CRTC2: variants seen among roughly 807,000 people sequenced by gnomAD.
CRTC2 encodes CREB-regulated transcription coactivator 2.
CRTC2 carries 25 observed loss-of-function variants against 70.9 expected under a neutral mutation model. The ratio of observed to expected loss-of-function variants is 0.35; its 90% CI spans 0.26 to 0.49. The LOEUF (loss-of-function observed/expected upper bound fraction) is 0.49, where lower values mean the gene tolerates loss of function less well. Ranked by LOEUF, CRTC2 falls within the 20% of genes least tolerant of loss-of-function variation. The probability of loss-of-function intolerance (pLI) is 0.98; values close to 1 mark genes in which losing one functional copy is unlikely to be tolerated. For synonymous variants in CRTC2, 330 were observed against 364.1 expected (o/e 0.91, Z 1.07); for missense variants, 737 against 882.6 (o/e 0.83, Z 2.09).
Position 153,948,446 on chromosome 1 carries a change from AC to A in CRTC2, c.1861+11del. On this transcript the variant is annotated intron_variant, in intron 13 of 13. Transcript: ENST00000368633. ...CTCCTTCCATTTCCCATCACCACCCACCCCCATTCACCTGTGAGGATGATGT... is the reference window on the plus strand; with the variant it reads ...CTCCTTCCATTTCCCATCACCACCCACCCCATTCACCTGTGAGGATGATGT... The A allele has an allele frequency of 1.2e-6, 2 of 1,602,364 alleles. No individual in the cohort carries two copies. The highest frequency in any genetic ancestry group is 1.1e-5 in the South Asian group (1 of 89,818).
At chr1:153,958,172 C>CA in intron 1 of CRTC2, 173 bp downstream of exon 1, 2 of 1,422,772 alleles carry the variant, frequency 1.4e-6, no homozygotes, top group Admixed American at 2.9e-5. Flanking sequence ...TCTCCCCCGG[C>CA]AAAATCCTTC....
chr1:153,958,273 C>T (rs1571087305), intron 1 of CRTC2, 72 bp downstream of exon 1: 2 of 1,544,094 alleles, frequency 1.3e-6, no homozygotes, highest in Non-Finnish European at 1.7e-6. Flanking sequence ...GGCGCCCGCC[C>T]CCGCCCCGCC....
In CRTC2 at chr1:153,954,211, C is replaced by T. The variant is rs192393101; in HGVS notation, c.434+44G>A. 13 of 1,490,208 alleles carry T rather than the reference C, an allele frequency of 8.7e-6. No homozygotes were observed. In the African/African-American group the frequency reaches 1.2e-4, roughly 14 times the overall value. 92.3% of individuals were successfully genotyped at this position (1,490,208 alleles called of 1,614,324 possible). ...GAAGGGGCAACTCCTTCCAGAAACACGTCAGAGAGTAGGCAGGAGCTTCTG... is the reference window on the plus strand; with the variant it reads ...GAAGGGGCAACTCCTTCCAGAAACATGTCAGAGAGTAGGCAGGAGCTTCTG... On this transcript the variant is annotated intron_variant, in intron 4 of 13. Transcript: ENST00000368633.
Position 153,952,841 on chromosome 1 carries a change from G to C in CRTC2, c.608-7C>G. 3 of 1,614,216 alleles carry C rather than the reference G, an allele frequency of 1.9e-6. No homozygotes were observed. Among genetic ancestry groups the C allele is most frequent in the Non-Finnish European group, 2.5e-6 (3 of 1,180,020 alleles). The stretch of plus-strand genomic sequence containing the variant: ...ATTTCACCATCCAGAATACCTGCAA[G>C]GGATACAGTGGCATTGGCTGCAGTG... On this transcript the variant is annotated splice_polypyrimidine_tract_variant and splice_region_variant and intron_variant, in intron 6 of 13. Transcript: ENST00000368633.
rs765420001 is a variant in CRTC2 at position 153,953,374 on chromosome 1, G to A, written c.504-5C>T. The A allele has an allele frequency of 6.3e-7, 1 of 1,595,876 alleles. No homozygotes were observed. Reference sequence around the variant, plus strand: ...AGGGCAGAGTCAGAGCTTGTCCTATGGGGGGAGCAGGAATGAGCTGACACC... The same window carrying A: ...AGGGCAGAGTCAGAGCTTGTCCTATAGGGGGAGCAGGAATGAGCTGACACC... On this transcript the variant is annotated splice_region_variant and splice_polypyrimidine_tract_variant and intron_variant, in intron 5 of 13. Coordinates refer to ENST00000368633, the MANE Select transcript of CRTC2 (RefSeq NM_181715.3).
chr1:153,952,005 G>A lies in CRTC2; in HGVS notation c.997+13C>T. ...CAGCACCCAGTGGGCACATGGCCAGGACAGTCACTCACCTGGTGCATCATA... is the reference window on the plus strand; with the variant it reads ...CAGCACCCAGTGGGCACATGGCCAGAACAGTCACTCACCTGGTGCATCATA... On this transcript the variant is annotated intron_variant, in intron 10 of 13. Coordinates refer to ENST00000368633, the MANE Select transcript of CRTC2 (RefSeq NM_181715.3). 6.2e-7 allele frequency: 1 copy of A among 1,610,070 alleles called. No individual in the cohort carries two copies. Among genetic ancestry groups the A allele is most frequent in the Admixed American group, 1.7e-5 (1 of 59,834 alleles).
At chr1:153,951,787 T>G (rs1680336227) in intron 10 of CRTC2, 121 bp from the exon 11 acceptor site, 2 of 1,171,344 alleles carry the variant, frequency 1.7e-6, no homozygotes, top group South Asian at 3.0e-5. Flanking sequence ...TCCTCCCTAC[T>G]CTATCCCTGA....
In CRTC2 at chr1:153,952,085, C is replaced by G; in HGVS notation, c.930G>C (p.Leu310Phe). The change falls in exon 10 of 14, where the codon TTG becomes TTC. Residue 310 changes from leucine (L) to phenylalanine (F), a missense_variant. By Grantham distance (22) the Leu-to-Phe change is conservative. Transcript: ENST00000368633. ...SLSGGNSTSN[L>F]THTMTHLGIS... is the part of the protein sequence containing the mutation. Reference sequence around the variant, plus strand: ...TGCCCAGGTGAGTCATGGTGTGGGTCAAATTGGAGGTACTGTTGCCCCCAC... The same window carrying G: ...TGCCCAGGTGAGTCATGGTGTGGGTGAAATTGGAGGTACTGTTGCCCCCAC... 6.2e-7 allele frequency: 1 copy of G among 1,614,002 alleles called. No individual in the cohort carries two copies. Among genetic ancestry groups the G allele is most frequent in the Non-Finnish European group, 8.5e-7 (1 of 1,179,970 alleles).
In CRTC2 at chr1:153,951,570, C is replaced by T; in HGVS notation, c.1094G>A (p.Gly365Asp). The stretch of plus-strand genomic sequence containing the variant: ...AGGCAGAGAGGGGTGGCTGTGGGAG[C>T]CCTGAAGCTGGGGCTGAGGACTGCT... ...SLSSPQPQLQGSHSHPSLPAS... is the reference protein window; with the variant it reads ...SLSSPQPQLQDSHSHPSLPAS... The change falls in exon 11 of 14, where the codon GGC becomes GAC. Residue 365 changes from glycine to aspartate, a missense_variant. Physicochemically the swap from Gly to Asp is moderately conservative, Grantham distance 94 (BLOSUM62 -1). This residue lies in a region of CRTC2 where 699 missense variants were observed against 823.7 expected (regional missense o/e 0.85). Transcript: ENST00000368633. The T allele has an allele frequency of 6.2e-7, 1 of 1,611,620 alleles. No homozygotes were observed. Among genetic ancestry groups the T allele is most frequent in the Non-Finnish European group, 8.5e-7 (1 of 1,178,854 alleles).
intron 8 of CRTC2, 45 bp from the exon 9 acceptor site, chr1:153,952,491 C>A (rs1291589344): frequency 1.2e-6 from 2 of 1,613,348 alleles, no homozygotes; most frequent in South Asian, 2.2e-5. Context: ...CAGTGCTCAG[C>A]AGAGAACCCT....
chr1:153,948,168 A>G lies in CRTC2; in HGVS notation c.2023T>C (p.Cys675Arg). 6.2e-7 allele frequency: 1 copy of G among 1,614,214 alleles called. No individual in the cohort carries two copies. Among genetic ancestry groups the G allele is most frequent in the Non-Finnish European group, 8.5e-7 (1 of 1,180,028 alleles). The change falls in exon 14 of 14, where the codon TGT becomes CGT. Residue 675 changes from cysteine (C) to arginine (R), a missense_variant. Transcript: ENST00000368633. ...LEGLNMLSDPCALLPDPAVEE... is the reference protein window; with the variant it reads ...LEGLNMLSDPRALLPDPAVEE... Reference sequence around the variant, plus strand: ...ACAGCAGGATCAGGCAGCAGGGCACAGGGGTCACTCAGCATGTTTAGCCCT... The same window carrying G: ...ACAGCAGGATCAGGCAGCAGGGCACGGGGGTCACTCAGCATGTTTAGCCCT...
Position 153,948,023 on chromosome 1 carries a change from G to A in CRTC2, c.*86C>T, listed in dbSNP as rs2102096503. The A allele has an allele frequency of 7.9e-7, 1 of 1,263,536 alleles. No individual in the cohort carries two copies. The highest frequency in any genetic ancestry group is 1.5e-5 in the African/African-American group (1 of 67,950). The allele number at this position is 1,263,536 out of a possible 1,614,324, so 78.3% of individuals were successfully genotyped here. On this transcript the variant is annotated 3_prime_UTR_variant, in exon 14 of 14. Transcript: ENST00000368633. Reference sequence around the variant, plus strand: ...TAGAAAGAGGATCTGGGGACAGAGAGTAGAGTCTCTACCTGCCAGGGGGAA... The same window carrying A: ...TAGAAAGAGGATCTGGGGACAGAGAATAGAGTCTCTACCTGCCAGGGGGAA...
chr1:153,948,623 T>G lies in CRTC2; in HGVS notation c.1696A>C (p.Ser566Arg), dbSNP rs374707861. Residue 566 changes from serine to arginine, a missense_variant, in exon 13 of 14, where the codon AGC becomes CGC. Physicochemically the swap from Ser to Arg is moderately radical, Grantham distance 110. Around this residue, in one of 3 missense-constraint regions of CRTC2, gnomAD observed 699 missense variants for 823.7 expected, o/e 0.85. Coordinates refer to ENST00000368633, the MANE Select transcript of CRTC2 (RefSeq NM_181715.3). Reference protein sequence around the residue: ...LGNLEQFSMESPSASLVLDPP... With the variant: ...LGNLEQFSMERPSASLVLDPP... Reference sequence around the variant, plus strand: ...TCCAGCACCAGGCTGGCTGATGGGCTCTCCATGCTGAACTGCTCCAGCTAT... The same window carrying G: ...TCCAGCACCAGGCTGGCTGATGGGCGCTCCATGCTGAACTGCTCCAGCTAT... 7 of 1,589,862 alleles carry G rather than the reference T, an allele frequency of 4.4e-6. No individual in the cohort carries two copies. The African/African-American group carries it at 8.1e-5, about 18-fold the overall frequency.
chr1:153,947,821 A>C lies in CRTC2; in HGVS notation c.*288T>G. 2.2e-6 allele frequency: 1 copy of C among 462,880 alleles called. No homozygotes were observed. Among genetic ancestry groups the C allele is most frequent in the Non-Finnish European group, 4.0e-6 (1 of 252,536 alleles). The allele number at this position is 462,880 out of a possible 1,614,324, so 28.7% of individuals were successfully genotyped here. On this transcript the variant is annotated 3_prime_UTR_variant, in exon 14 of 14. Coordinates refer to ENST00000368633, the MANE Select transcript of CRTC2 (RefSeq NM_181715.3). ...AGGCATCCGGAAAAGCCCTGCTTCC[A>C]GGGCTCCCCTCTACCCCTGCTTTCC...
intron 1 of CRTC2, among the ~76,000 whole-genome samples, chr1:153,955,566 C>CAAAA (rs767615432): frequency 9.5e-5 from 4 of 41,902 alleles, no homozygotes; most frequent in Non-Finnish European, 1.3e-4. Context: ...GACTCTGTCT[C>CAAAA]AAAAAAAAAA....
In CRTC2 at chr1:153,958,182, C is replaced by T. The variant is rs2102127582; in HGVS notation, c.153+163G>A. 2.8e-6 allele frequency: 4 copies of T among 1,424,864 alleles called. No individual in the cohort carries two copies. In the African/African-American group the frequency reaches 5.8e-5, roughly 21 times the overall value. The allele number at this position is 1,424,864 out of a possible 1,614,324, so 88.3% of individuals were successfully genotyped here. ...TTCGGTCTCCCCCGGCAAAATCCTT[C>T]TTCCTGCCCCTCGGCCCTCAACCTG... On this transcript the variant is annotated intron_variant, in intron 1 of 13. Coordinates refer to ENST00000368633, the MANE Select transcript of CRTC2 (RefSeq NM_181715.3).
At position 153,951,869 on chromosome 1, in the gene CRTC2, C is replaced by CT. The variant is rs1407532796; in HGVS notation, c.997+148dup. Reference sequence around the variant, plus strand: ...CACCACACCTACCAGTTATCACTGGCTGAGAACTGCCGTGAGGGAATCCTG... The same window carrying CT: ...CACCACACCTACCAGTTATCACTGGCTTGAGAACTGCCGTGAGGGAATCCTG... On this transcript the variant is annotated intron_variant, in intron 10 of 13. Coordinates refer to ENST00000368633, the MANE Select transcript of CRTC2 (RefSeq NM_181715.3). 1.4e-5 allele frequency: 17 copies of CT among 1,204,088 alleles called. No homozygotes were observed. In the African/African-American group the frequency reaches 2.6e-4, roughly 18 times the overall value. 74.6% of individuals were successfully genotyped at this position (1,204,088 alleles called of 1,614,324 possible).
intron 1 of CRTC2, among the ~76,000 whole-genome samples, chr1:153,957,860 G>A (rs1369119818): frequency 6.6e-6 from 1 of 152,076 alleles, no homozygotes; most frequent in African/African-American, 2.4e-5. Flanking sequence ...ACACAGCACC[G>A]CTCGTTCAAA....
chr1:153,951,889 A>C, intron 10 of CRTC2, 129 bp downstream of exon 10: 1 of 1,312,696 alleles, frequency 7.6e-7, no homozygotes, highest in Non-Finnish European at 1.1e-6. Context: ...CCGTGAGGGA[A>C]TCCTGGGGTG....
Sources: gnomAD v4.1 joint callset for allele counts (sites outside exome capture counted in the v4.1 genomes callset) on GRCh38, gnomAD v4.1.1 for gene constraint, gnomAD v4.1.1 regional missense constraint, MANE v1.5 for transcripts, NCBI Gene and HGNC (gene_info 2026-07-23, HGNC 2026-07-21) for gene names.